The following RPS6KC1 variants were observed in gnomAD, a reference collection of about 807,000 sequenced individuals.
RPS6KC1 encodes the protein inactive ribosomal protein S6 kinase delta-1.
Under a neutral mutation model 103.8 loss-of-function variants are expected in RPS6KC1, and 54 were observed. That is an observed-to-expected ratio of 0.52 (90% CI 0.42 to 0.65). The LOEUF (loss-of-function observed/expected upper bound fraction) is 0.65. RPS6KC1 is among the 30% of genes least tolerant of loss of function. The probability of loss-of-function intolerance (pLI) is 0.00; values close to 1 mark genes in which losing one functional copy is unlikely to be tolerated. For missense variants in RPS6KC1, 1,151 were observed against 1,253.8 expected (o/e 0.92, Z 1.24); for synonymous variants, 439 against 438.7 (o/e 1.00, Z -0.01).
At chr1:213,081,678 T>C (rs1348349897) in intron 3 of RPS6KC1, among the ~76,000 whole-genome samples, 1 of 151,828 alleles carries the variant, frequency 6.6e-6, no homozygotes, top group East Asian at 1.9e-4. Flanking sequence ...TCCTTTCTCT[T>C]TCTCATAACT....
the RPS6KC1 span, among the ~76,000 whole-genome samples, chr1:213,293,556 C>CT: frequency 2.6e-5 from 4 of 152,148 alleles, no homozygotes; most frequent in African/African-American, 9.6e-5. Context: ...GGCTATTTTT[C>CT]TTTTTTCCTT....
At chr1:213,629,317 G>A in the RPS6KC1 span, among the ~76,000 whole-genome samples, 1 of 151,888 alleles carries the variant, frequency 6.6e-6, no homozygotes. Context: ...TTGTTGAATT[G>A]ATCCCTTTAC....
At chr1:213,357,754 T>C in the RPS6KC1 span, among the ~76,000 whole-genome samples, 1 of 152,202 alleles carries the variant, frequency 6.6e-6, no homozygotes, top group African/African-American at 2.4e-5. Context: ...CAAACTGAGG[T>C]TGGCTCCATT....
chr1:213,591,355 A>T, the RPS6KC1 span, among the ~76,000 whole-genome samples: 51 of 152,074 alleles, frequency 3.4e-4, no homozygotes, highest in South Asian at 2.7e-3. Context: ...CTCACACTCT[A>T]TCTTTTGTTA....
At chr1:213,807,846 G>A in the RPS6KC1 span, among the ~76,000 whole-genome samples, 13 of 152,170 alleles carry the variant, frequency 8.5e-5, no homozygotes, top group African/African-American at 3.1e-4. Flanking sequence ...GAGGAGAAGA[G>A]GTGCTCTGCT....
the RPS6KC1 span, among the ~76,000 whole-genome samples, chr1:213,639,736 C>T: frequency 1.3e-5 from 2 of 151,930 alleles, no homozygotes; most frequent in African/African-American, 4.8e-5. Context: ...GCTTTGCATT[C>T]CTGGAATAAA....
chr1:213,342,363 A>T, the RPS6KC1 span, among the ~76,000 whole-genome samples: 1 of 152,202 alleles, frequency 6.6e-6, no homozygotes, highest in Non-Finnish European at 1.5e-5. Flanking sequence ...AGATTTATAT[A>T]TGAATTGCTT....
the RPS6KC1 span, among the ~76,000 whole-genome samples, chr1:213,791,942 T>C: frequency 1.3e-5 from 2 of 152,200 alleles, no homozygotes; most frequent in African/African-American, 2.4e-5. Context: ...TGCTGTCTAA[T>C]AACTGCACAT....
At chr1:213,526,176 A>C in the RPS6KC1 span, among the ~76,000 whole-genome samples, 1 of 152,176 alleles carries the variant, frequency 6.6e-6, no homozygotes, top group Admixed American at 6.5e-5. Flanking sequence ...ATGCAGGTAG[A>C]TGTAAACGTG....
intron 8 of RPS6KC1, among the ~76,000 whole-genome samples, chr1:213,182,076 A>T (rs560439401): frequency 6.6e-6 from 1 of 152,328 alleles, no homozygotes; most frequent in Non-Finnish European, 1.5e-5. Flanking sequence ...GACATAAAGG[A>T]AGGTAAAGTT....
At chr1:213,358,543 G>T in the RPS6KC1 span, among the ~76,000 whole-genome samples, 1 of 151,944 alleles carries the variant, frequency 6.6e-6, no homozygotes, top group Non-Finnish European at 1.5e-5. Flanking sequence ...TATTAGTCTT[G>T]CTAGCAGTCT....
the RPS6KC1 span, among the ~76,000 whole-genome samples, chr1:213,799,421 C>T: frequency 1.3e-5 from 2 of 152,182 alleles, no homozygotes; most frequent in South Asian, 2.1e-4. Context: ...TAGAGATCAT[C>T]CCGACCTGAG....
At chr1:213,053,935 A>G (rs1031214521) in intron 1 of RPS6KC1, among the ~76,000 whole-genome samples, 1 of 151,906 alleles carries the variant, frequency 6.6e-6, no homozygotes, top group African/African-American at 2.4e-5. Flanking sequence ...TCCTGGGTTC[A>G]AGTGATTCTC....
the RPS6KC1 span, among the ~76,000 whole-genome samples, chr1:213,662,524 C>T: frequency 1.3e-5 from 2 of 150,510 alleles, no homozygotes; most frequent in South Asian, 2.1e-4. Context: ...GTGATCCACT[C>T]GTCTCAGCCT....
At chr1:213,562,228 G>A in the RPS6KC1 span, among the ~76,000 whole-genome samples, 34 of 152,078 alleles carry the variant, frequency 2.2e-4, 1 homozygote, top group African/African-American at 8.0e-4. Context: ...TAATGGTCAG[G>A]GCATTTGGTC....
chr1:213,538,315 T>C, the RPS6KC1 span, among the ~76,000 whole-genome samples: 1 of 152,156 alleles, frequency 6.6e-6, no homozygotes, highest in African/African-American at 2.4e-5. Flanking sequence ...ATTATGACTC[T>C]TCTAGGACAT....
At chr1:213,805,269 A>C in the RPS6KC1 span, among the ~76,000 whole-genome samples, 2 of 152,302 alleles carry the variant, frequency 1.3e-5, no homozygotes, top group East Asian at 3.9e-4. Context: ...AATTGACTCA[A>C]TCACAAAAGA....
At chr1:213,139,322 T>G (rs1391226932) in intron 6 of RPS6KC1, among the ~76,000 whole-genome samples, 1 of 152,162 alleles carries the variant, frequency 6.6e-6, no homozygotes, top group East Asian at 1.9e-4. Context: ...TGATAGTTTG[T>G]TTTGCTATGC....
chr1:213,559,341 A>G, the RPS6KC1 span, among the ~76,000 whole-genome samples: 1 of 152,278 alleles, frequency 6.6e-6, no homozygotes, highest in Non-Finnish European at 1.5e-5. Context: ...TTAACATTTG[A>G]TTGAATGCTG....
Sources: allele counts gnomAD v4.1 joint callset (sites outside exome capture counted in the v4.1 genomes callset), GRCh38; gene constraint gnomAD v4.1.1; transcripts MANE v1.5; gene names NCBI Gene and HGNC (gene_info 2026-07-23, HGNC 2026-07-21).